Variants in COMMD1 observed in about 807,000 individuals in gnomAD.
COMMD1 encodes copper metabolism domain containing 1.
Under a neutral mutation model 17.2 loss-of-function variants are expected in COMMD1, and 10 were observed. The ratio of observed to expected loss-of-function variants is 0.58; its 90% CI spans 0.36 to 0.99. The LOEUF (loss-of-function observed/expected upper bound fraction) is 0.99, where lower values mean the gene tolerates loss of function less well. Among genes scored for constraint, COMMD1 ranks in the 50% least tolerant of loss-of-function variants. COMMD1 has a pLI of 0.01. For missense variants in COMMD1, 270 were observed against 231.8 expected, an observed-to-expected ratio of 1.17 and a Z score of -1.07; for synonymous variants, 97 against 91.6, an observed-to-expected ratio of 1.06 and a Z score of -0.34.
At chr2:61,902,498 G>A (rs573120250), upstream of COMMD1, among the ~76,000 whole-genome samples, 7 of 150,414 alleles carry the variant, frequency 4.7e-5, no homozygotes, top group South Asian at 2.1e-4. Flanking sequence ...CGACAAGAGC[G>A]AAACTCCACC....
chr2:61,989,680 C>A (rs1023335734), intron 1 of COMMD1, among the ~76,000 whole-genome samples: 2 of 151,970 alleles, frequency 1.3e-5, no homozygotes, highest in African/African-American at 2.4e-5. Flanking sequence ...GCCAGCAGGT[C>A]TCGAAACTCC....
At chr2:62,100,792 C>T (rs560780133) in intron 2 of COMMD1, among the ~76,000 whole-genome samples, 85 of 152,236 alleles carry the variant, frequency 5.6e-4, no homozygotes, top group African/African-American at 1.9e-3. Context: ...TAGACTTTAG[C>T]TAATCTCTTC....
At chr2:61,934,764 C>G (rs1475365646) in intron 1 of COMMD1, among the ~76,000 whole-genome samples, 6 of 152,170 alleles carry the variant, frequency 3.9e-5, no homozygotes, top group Non-Finnish European at 8.8e-5. Flanking sequence ...CTGTTTTTCT[C>G]TCAACCCTCA....
chr2:62,064,147 A>C (rs539895862), intron 2 of COMMD1, among the ~76,000 whole-genome samples: 1 of 151,556 alleles, frequency 6.6e-6, no homozygotes, highest in East Asian at 1.9e-4. Context: ...TGATTATCAC[A>C]CATAGTAGAT....
chr2:61,977,536 G>C (rs1047833159), intron 1 of COMMD1, among the ~76,000 whole-genome samples: 8 of 151,938 alleles, frequency 5.3e-5, no homozygotes, highest in Admixed American at 1.3e-4. Flanking sequence ...GAGCTGCCGC[G>C]CCTGGCCAGT....
chr2:62,110,755 C>T, intron 2 of COMMD1, among the ~76,000 whole-genome samples: 1 of 152,052 alleles, frequency 6.6e-6, no homozygotes. Context: ...ATAATTTTCT[C>T]CTCCACCATT....
At chr2:62,100,444 G>A (rs1672145682) in intron 2 of COMMD1, 1 of 152,186 alleles carries the variant, frequency 6.6e-6, no homozygotes, top group African/African-American at 2.4e-5. Context: ...AGGTGATCAG[G>A]GCACAGCTTG....
intron 1 of COMMD1, among the ~76,000 whole-genome samples, chr2:61,892,720 AAG>A (rs918888808): frequency 1.3e-5 from 2 of 150,818 alleles, no homozygotes; most frequent in African/African-American, 4.9e-5. Flanking sequence ...AAAAGAAAAG[AAG>A]AGAGGGCTGT....
chr2:62,054,516 G>C (rs1670633905), intron 2 of COMMD1, among the ~76,000 whole-genome samples: 1 of 152,178 alleles, frequency 6.6e-6, no homozygotes, highest in Non-Finnish European at 1.5e-5. Flanking sequence ...ATTTAAGCCA[G>C]AAAGAAGAAT....
At chr2:61,969,298 TTTAA>T (rs1192931861) in intron 1 of COMMD1, among the ~76,000 whole-genome samples, 1 of 152,212 alleles carries the variant, frequency 6.6e-6, no homozygotes, top group African/African-American at 2.4e-5. Flanking sequence ...GCATTTGATC[TTTAA>T]TTATATAAAT....
intron 1 of COMMD1, among the ~76,000 whole-genome samples, chr2:61,954,182 C>T (rs1671133992): frequency 6.6e-6 from 1 of 152,050 alleles, no homozygotes; most frequent in Non-Finnish European, 1.5e-5. Context: ...GTACTCCACC[C>T]TGGGCGACAG....
chr2:61,950,888 A>G (rs1027242421), intron 1 of COMMD1, among the ~76,000 whole-genome samples: 5 of 152,206 alleles, frequency 3.3e-5, no homozygotes, highest in African/African-American at 1.2e-4. Flanking sequence ...TCTTTCTGGA[A>G]TTCTCCAATT....
intron 2 of COMMD1, among the ~76,000 whole-genome samples, chr2:62,048,378 C>T (rs1327545079): frequency 2.6e-5 from 4 of 151,580 alleles, no homozygotes; most frequent in African/African-American, 9.7e-5. Flanking sequence ...TTAGTAGAGA[C>T]GGGGTTTCAC....
rs1017793356 is a variant in COMMD1 at position 62,077,939 on chromosome 2, A to G, written c.463-57892A>G. ...CTGTTTGACAATTGGTTGAGTTTAT[A>G]TAAAGACCTGGGATCAACAGAAAGG... On this transcript the variant is annotated intron_variant, in intron 2 of 2. Coordinates refer to ENST00000311832, the MANE Select transcript of COMMD1 (RefSeq NM_152516.4). 9.8e-4 allele frequency among the ~76,000 whole-genome samples: 149 copies of G among 152,212 alleles called. 2 individuals are homozygous for G. The highest frequency in any genetic ancestry group is 3.3e-3 in the African/African-American group (136 of 41,532).
chr2:61,919,599 T>C (rs1263209987), intron 1 of COMMD1, among the ~76,000 whole-genome samples: 10 of 149,864 alleles, frequency 6.7e-5, no homozygotes, highest in Middle Eastern at 7.0e-3. Flanking sequence ...CACAGACAGG[T>C]TGATTTGACA....
intron 1 of COMMD1, among the ~76,000 whole-genome samples, chr2:61,956,852 G>T (rs571497087): frequency 6.6e-6 from 1 of 152,140 alleles, no homozygotes; most frequent in South Asian, 2.1e-4. Flanking sequence ...CCGAGTTCAA[G>T]CAATTTCCCT....
At chr2:62,109,634 T>G (rs1256089864) in intron 2 of COMMD1, among the ~76,000 whole-genome samples, 2 of 152,356 alleles carry the variant, frequency 1.3e-5, no homozygotes, top group African/African-American at 4.8e-5. Flanking sequence ...GTAGATCCTA[T>G]AACTTCAGTC....
intron 2 of COMMD1, among the ~76,000 whole-genome samples, chr2:62,094,424 A>G (rs1171047616): frequency 6.6e-6 from 1 of 152,154 alleles, no homozygotes; most frequent in Non-Finnish European, 1.5e-5. Context: ...CCCCCTTGCA[A>G]CTGGATCTAA....
chr2:61,889,514 G>C (rs1219340403), intron 1 of COMMD1, among the ~76,000 whole-genome samples: 1 of 152,156 alleles, frequency 6.6e-6, no homozygotes, highest in Admixed American at 6.5e-5. Flanking sequence ...CCCACCCGGA[G>C]GTGCCCTCCT....
Sources: allele counts gnomAD v4.1 joint callset (sites outside exome capture counted in the v4.1 genomes callset), GRCh38; gene constraint gnomAD v4.1.1; transcripts MANE v1.5; gene names NCBI Gene and HGNC (gene_info 2026-07-23, HGNC 2026-07-21).